TGFBR3: variants seen among roughly 807,000 people sequenced by gnomAD.
TGFBR3 encodes the protein transforming growth factor beta receptor type 3.
In TGFBR3, 46 loss-of-function variants were observed where a neutral mutation model predicts 87.9. That is an observed-to-expected ratio of 0.52 (90% CI 0.41 to 0.67). TGFBR3 has a LOEUF of 0.67. Among genes scored for constraint, TGFBR3 ranks in the 30% least tolerant of loss-of-function variants. The pLI, the probability that TGFBR3 is intolerant of heterozygous loss-of-function variation, is 0.00. For synonymous variants in TGFBR3, 381 were observed against 391.6 expected, an observed-to-expected ratio of 0.97 and a Z score of 0.32; for missense variants, 866 against 1,041.9, an observed-to-expected ratio of 0.83 and a Z score of 2.32.
At chr1:91,716,511 A>G (rs999266224) in intron 11 of TGFBR3, 57 bp downstream of exon 11, 3 of 1,614,000 alleles carry the variant, frequency 1.9e-6, no homozygotes, top group Non-Finnish European at 2.5e-6. Context: ...TCCCTAACTA[A>G]AGCCAACAAA....
At chr1:91,841,086 C>G (rs894949572) in intron 2 of TGFBR3, among the ~76,000 whole-genome samples, 6 of 152,316 alleles carry the variant, frequency 3.9e-5, no homozygotes, top group African/African-American at 1.4e-4. Context: ...GCTGGGATTA[C>G]AGGTGTGAGC....
intron 4 of TGFBR3, among the ~76,000 whole-genome samples, chr1:91,756,964 A>G (rs770454125): frequency 1.2e-4 from 18 of 152,222 alleles, no homozygotes; most frequent in Non-Finnish European, 2.5e-4. Context: ...CAACATAATT[A>G]TCAAATTCAA....
At chr1:91,893,010 C>T (rs1409985945) in intron 2 of TGFBR3, among the ~76,000 whole-genome samples, 1 of 152,066 alleles carries the variant, frequency 6.6e-6, no homozygotes, top group Admixed American at 6.6e-5. Flanking sequence ...ACCTCATTGA[C>T]TTCATTTCAA....
intron 4 of TGFBR3, among the ~76,000 whole-genome samples, chr1:91,748,474 A>ATATGATCTAGATCCCAG (rs1472050268): frequency 6.6e-6 from 1 of 152,194 alleles, no homozygotes. Flanking sequence ...TTCAAGTGAA[A>ATATGATCTAGATCCCAG]TACTGATATG....
At position 91,712,374 on chromosome 1, in the gene TGFBR3, G is replaced by C; in HGVS notation, c.2035C>G (p.Pro679Ala). The C allele has an allele frequency of 6.2e-7, 1 of 1,614,186 alleles. No individual in the cohort carries two copies. The highest frequency in any genetic ancestry group is 1.1e-5 in the South Asian group (1 of 91,082). The change falls in exon 13 of 17, where the codon CCG (proline) becomes GCG (alanine). Residue 679 changes from proline to alanine, a missense_variant. Physicochemically the swap from Pro to Ala is conservative, Grantham distance 27. Coordinates refer to ENST00000212355, the MANE Select transcript of TGFBR3 (RefSeq NM_003243.5). ...YSPKRVHFPI[P>A]QADMDKKRFS... Reference sequence around the variant, plus strand: ...CGCTTCTTATCCATGTCAGCTTGCGGGATAGGAAAGTGCACTCTCTTGGGA... The same window carrying C: ...CGCTTCTTATCCATGTCAGCTTGCGCGATAGGAAAGTGCACTCTCTTGGGA...
chr1:91,732,495 G>A (rs984028288), intron 5 of TGFBR3, among the ~76,000 whole-genome samples: 1 of 152,192 alleles, frequency 6.6e-6, no homozygotes, highest in Non-Finnish European at 1.5e-5. Flanking sequence ...GCTCGGGTTA[G>A]AGCAACCAGG....
chr1:91,857,395 C>T (rs1053501967), intron 2 of TGFBR3, among the ~76,000 whole-genome samples: 1 of 152,104 alleles, frequency 6.6e-6, no homozygotes, highest in Non-Finnish European at 1.5e-5. Context: ...ATGCCACATT[C>T]CGTGCTAGGC....
intron 1 of TGFBR3, among the ~76,000 whole-genome samples, chr1:91,905,526 A>T (rs1487387528): frequency 1.3e-5 from 2 of 152,098 alleles, no homozygotes; most frequent in Admixed American, 1.3e-4. Context: ...TCGGCCTCCC[A>T]GGTTCAAGCG....
chr1:91,795,974 T>C (rs1383072801), intron 3 of TGFBR3, among the ~76,000 whole-genome samples: 3 of 152,192 alleles, frequency 2.0e-5, no homozygotes, highest in Non-Finnish European at 4.4e-5. Flanking sequence ...CTCCTCTTCC[T>C]ACCACCCCAA....
intron 1 of TGFBR3, among the ~76,000 whole-genome samples, chr1:91,863,279 T>C (rs1678268321): frequency 6.6e-6 from 1 of 152,252 alleles, no homozygotes; most frequent in South Asian, 2.1e-4. Context: ...TCAATCTTGA[T>C]ATACGATAGT....
chr1:91,689,942 G>A (rs1175473032), intron 16 of TGFBR3, among the ~76,000 whole-genome samples: 1 of 149,388 alleles, frequency 6.7e-6, no homozygotes, highest in African/African-American at 2.5e-5. Flanking sequence ...TTACCAGAAT[G>A]ACAGTAAATG....
chr1:91,757,250 T>C, intron 4 of TGFBR3, among the ~76,000 whole-genome samples: 1 of 152,180 alleles, frequency 6.6e-6, no homozygotes, highest in Non-Finnish European at 1.5e-5. Context: ...TCAGCGTTTC[T>C]TCATGATTAG....
intron 4 of TGFBR3, among the ~76,000 whole-genome samples, chr1:91,743,169 GC>G (rs1673216465): frequency 6.6e-6 from 1 of 152,258 alleles, no homozygotes; most frequent in Non-Finnish European, 1.5e-5. Flanking sequence ...CTTTGCTTTA[GC>G]ACTTAGCACA....
chr1:91,848,585 T>C lies in TGFBR3; in HGVS notation c.61+12886A>G, dbSNP rs188553956. Among the ~76,000 whole-genome samples, 5 of 152,346 alleles carry C rather than the reference T, an allele frequency of 3.3e-5. No homozygotes were observed. In the East Asian group the frequency reaches 7.7e-4, roughly 23 times the overall value. ...TAGAAAAAAATCTGTTGTATCATGCTCCTTGCTCACATTTAATATGTAGTT... is the reference window on the plus strand; with the variant it reads ...TAGAAAAAAATCTGTTGTATCATGCCCCTTGCTCACATTTAATATGTAGTT... On this transcript the variant is annotated intron_variant, in intron 2 of 16. Transcript: ENST00000212355.
chr1:91,785,837 G>T (rs1471597723), intron 3 of TGFBR3, among the ~76,000 whole-genome samples: 1 of 151,114 alleles, frequency 6.6e-6, no homozygotes, highest in Non-Finnish European at 1.5e-5. Context: ...GCGCGATCGT[G>T]GTTCACTGCA....
At chr1:91,801,622 A>G (rs533190194) in intron 2 of TGFBR3, among the ~76,000 whole-genome samples, 1 of 152,352 alleles carries the variant, frequency 6.6e-6, no homozygotes, top group South Asian at 2.1e-4. Context: ...TGATAAAGCA[A>G]CTATTGCAAA....
intron 2 of TGFBR3, chr1:91,801,064 CAA>C (rs1161631896): frequency 6.8e-6 from 1 of 147,094 alleles, no homozygotes; most frequent in Non-Finnish European, 1.3e-5. Context: ...GCCTGGGCGA[CAA>C]GAGCAAAACT....
intron 6 of TGFBR3, among the ~76,000 whole-genome samples, chr1:91,729,227 G>A (rs1326784415): frequency 7.4e-6 from 1 of 135,782 alleles, no homozygotes; most frequent in Non-Finnish European, 1.5e-5. Flanking sequence ...AAGTTCTATC[G>A]AATGGCTCTT....
Position 91,682,195 on chromosome 1 carries a change from T to C in TGFBR3, c.*1544A>G, listed in dbSNP as rs765594185. On this transcript the variant is annotated 3_prime_UTR_variant, in exon 17 of 17. Transcript: ENST00000212355. ...GGTTTTAAGCTTCATCAGGATTACC[T>C]ACTGAGGTTCCATTCACAGACAACC... 2 of 453,990 alleles carry C rather than the reference T, an allele frequency of 4.4e-6. No homozygotes were observed. The highest frequency in any genetic ancestry group is 1.6e-5 in the South Asian group (1 of 64,470). 28.1% of individuals were successfully genotyped at this position (453,990 alleles called of 1,614,324 possible).
Sources: allele counts gnomAD v4.1 joint callset (sites outside exome capture counted in the v4.1 genomes callset), GRCh38; gene constraint gnomAD v4.1.1; transcripts MANE v1.5; gene names NCBI Gene and HGNC (gene_info 2026-07-23, HGNC 2026-07-21).